Variants in CRACR2A observed in about 807,000 individuals in gnomAD.
CRACR2A encodes EF-hand calcium-binding domain-containing protein 4B.
In CRACR2A, 79 loss-of-function variants were observed where a neutral mutation model predicts 90.5. The ratio of observed to expected loss-of-function variants is 0.87; its 90% CI spans 0.73 to 1.05. The LOEUF (loss-of-function observed/expected upper bound fraction) is 1.05. Ranked by LOEUF, CRACR2A falls within the 50% of genes least tolerant of loss-of-function variation. The probability of loss-of-function intolerance (pLI) is 0.00; values close to 1 mark genes in which losing one functional copy is unlikely to be tolerated. For synonymous variants in CRACR2A, 338 were observed against 356.7 expected, an observed-to-expected ratio of 0.95 and a Z score of 0.59; for missense variants, 823 against 897.2, an observed-to-expected ratio of 0.92 and a Z score of 1.06.
In CRACR2A at chr12:3,650,540, C is replaced by T. The variant is rs572123824; in HGVS notation, c.1047-1927G>A. Among the ~76,000 whole-genome samples the T allele has an allele frequency of 3.9e-5, 6 of 152,298 alleles. No homozygotes were observed. In the South Asian group the frequency reaches 1.0e-3, roughly 26 times the overall value. On this transcript the variant is annotated intron_variant, in intron 10 of 19. Coordinates refer to ENST00000440314, the MANE Select transcript of CRACR2A (RefSeq NM_001144958.2). ...TGGGTCTCTAAACCCCTGTCTGGGA[C>T]TCTGCTGTGATGAGTGCTCCGTGAG...
At position 3,624,656 on chromosome 12, in the gene CRACR2A, G is replaced by A. The variant is rs142607946; in HGVS notation, c.1932+2780C>T. ...GCTCCTAGTGTGTGCTGGACATGCC[G>A]CAGATGTGTAGTAAAACCTTGGTGA... is the stretch of plus-strand genomic sequence containing the variant. On this transcript the variant is annotated intron_variant, in intron 17 of 19. Transcript: ENST00000440314. Among the ~76,000 whole-genome samples, 783 of 152,272 alleles carry A rather than the reference G, an allele frequency of 5.1e-3. 3 individuals carry two copies. Among genetic ancestry groups the A allele is most frequent in the Admixed American group, 0.01 (155 of 15,308 alleles).
At chr12:3,747,454 T>C (rs1946643873) in intron 1 of CRACR2A, among the ~76,000 whole-genome samples, 1 of 152,160 alleles carries the variant, frequency 6.6e-6, no homozygotes, top group Non-Finnish European at 1.5e-5. Flanking sequence ...TCAGCACCAA[T>C]CCAACCCTCT....
At chr12:3,743,049 T>G (rs991467018) in intron 1 of CRACR2A, among the ~76,000 whole-genome samples, 1 of 152,372 alleles carries the variant, frequency 6.6e-6, no homozygotes, top group East Asian at 1.9e-4. Flanking sequence ...ATCACTACAA[T>G]GTAACCCCTA....
At chr12:3,739,567 G>A (rs949376782) in intron 1 of CRACR2A, among the ~76,000 whole-genome samples, 3 of 152,134 alleles carry the variant, frequency 2.0e-5, no homozygotes, top group East Asian at 3.9e-4. Flanking sequence ...ATATGAACTC[G>A]TGTTCAGCAG....
intron 8 of CRACR2A, among the ~76,000 whole-genome samples, chr12:3,657,623 C>T (rs1205237488): frequency 6.6e-6 from 1 of 152,204 alleles, no homozygotes; most frequent in Non-Finnish European, 1.5e-5. Flanking sequence ...ACATGAATGG[C>T]AGAGGTACGA....
chr12:3,640,615 C>T lies in CRACR2A; in HGVS notation c.1271+1117G>A, dbSNP rs572942455. 5 of 1,303,380 alleles carry T rather than the reference C, an allele frequency of 3.8e-6. No individual in the cohort carries two copies. In the East Asian group the frequency reaches 2.2e-4, roughly 58 times the overall value. 80.7% of individuals were successfully genotyped at this position (1,303,380 alleles called of 1,614,324 possible). ...TATCTCATTATTCAGCTATTTAGAACAAGAATTCATGATGATCAGGCCCAA... is the reference window on the plus strand; with the variant it reads ...TATCTCATTATTCAGCTATTTAGAATAAGAATTCATGATGATCAGGCCCAA... On this transcript the variant is annotated intron_variant, in intron 13 of 19. Transcript: ENST00000440314.
At chr12:3,623,848 C>T (rs550436433) in intron 17 of CRACR2A, among the ~76,000 whole-genome samples, 2 of 152,316 alleles carry the variant, frequency 1.3e-5, no homozygotes, top group East Asian at 3.9e-4. Context: ...AGTGCTGGTG[C>T]TCTCTTGCAC....
intron 3 of CRACR2A, among the ~76,000 whole-genome samples, chr12:3,705,354 A>G (rs188671831): frequency 1.3e-5 from 2 of 152,332 alleles, no homozygotes; most frequent in Admixed American, 1.3e-4. Flanking sequence ...AACTGCTACA[A>G]TCAGAAAGTT....
chr12:3,721,133 T>G (rs1015057063), intron 2 of CRACR2A, among the ~76,000 whole-genome samples: 1 of 152,176 alleles, frequency 6.6e-6, no homozygotes, highest in South Asian at 2.1e-4. Flanking sequence ...TTCTCAACAA[T>G]GATTACATGC....
chr12:3,745,094 A>T (rs1421287741), intron 1 of CRACR2A, among the ~76,000 whole-genome samples: 1 of 152,146 alleles, frequency 6.6e-6, no homozygotes, highest in African/African-American at 2.4e-5. Flanking sequence ...TTCTGTAGGG[A>T]AGGCTGTGTC....
At chr12:3,656,680 G>A (rs762801328) in intron 8 of CRACR2A, among the ~76,000 whole-genome samples, 16 of 152,000 alleles carry the variant, frequency 1.1e-4, no homozygotes, top group Non-Finnish European at 1.8e-4. Flanking sequence ...CCTCCTCTCC[G>A]CCAAAAAAGG....
At chr12:3,669,206 G>A (rs1945198152) in intron 7 of CRACR2A, among the ~76,000 whole-genome samples, 1 of 152,214 alleles carries the variant, frequency 6.6e-6, no homozygotes, top group Non-Finnish European at 1.5e-5. Flanking sequence ...TGCCCCTGGG[G>A]TGGGACCTCT....
At position 3,643,697 on chromosome 12, in the gene CRACR2A, G is replaced by GTA. The variant is rs562173129; in HGVS notation, c.1164+896_1164+897dup. Among the ~76,000 whole-genome samples, 319 of 140,312 alleles carry GTA rather than the reference G, an allele frequency of 2.3e-3. 4 individuals carry two copies. Among genetic ancestry groups the GTA allele is most frequent in the South Asian group, 0.021 (98 of 4,560 alleles). The allele number at this position is 140,312 out of a possible 152,430, so 92.1% of individuals were successfully genotyped here. The stretch of plus-strand genomic sequence containing the variant: ...ATGTCGTTTAGGAAAGTGTGTGTGT[G>GTA]TATATATATATATGTACATACATAT... On this transcript the variant is annotated intron_variant, in intron 12 of 19. Coordinates refer to ENST00000440314, the MANE Select transcript of CRACR2A (RefSeq NM_001144958.2).
rs1012281356 is a variant in CRACR2A at position 3,721,100 on chromosome 12, C to T, written c.-117-7783G>A. ...ATGCCTGAGTTTTAAATAAGCAGCA[C>T]GCACCAGCACAGCAAAGCTGCTTTC... is the stretch of plus-strand genomic sequence containing the variant. On this transcript the variant is annotated intron_variant, in intron 2 of 19. Coordinates refer to ENST00000440314, the MANE Select transcript of CRACR2A (RefSeq NM_001144958.2). Among the ~76,000 whole-genome samples the T allele has an allele frequency of 5.9e-5, 9 of 152,190 alleles. No homozygotes were observed. In the South Asian group the frequency reaches 6.2e-4, roughly 10 times the overall value.
intron 2 of CRACR2A, among the ~76,000 whole-genome samples, chr12:3,719,673 C>T (rs1175747540): frequency 6.6e-6 from 1 of 152,158 alleles, no homozygotes; most frequent in Non-Finnish European, 1.5e-5. Context: ...CTCTGCTATA[C>T]CATATTCTTT....
At position 3,696,946 on chromosome 12, in the gene CRACR2A, C is replaced by T. The variant is rs1416722837; in HGVS notation, c.54G>A (p.Gly18=). 1.2e-6 allele frequency: 2 copies of T among 1,614,178 alleles called. No individual in the cohort carries two copies. The highest frequency in any genetic ancestry group is 1.1e-5 in the South Asian group (1 of 91,078). ...VVSRPQRLGQ[G]SGQGPKGSGA... ...CACTCCCCTTTGGCCCCTGGCCAGACCCCTGACCAAGTCTCTGGGGTCTGG... is the reference window on the plus strand; with the variant it reads ...CACTCCCCTTTGGCCCCTGGCCAGATCCCTGACCAAGTCTCTGGGGTCTGG... The change falls in exon 4 of 20, where the codon GGG becomes GGA. Residue 18 remains glycine (G), a synonymous_variant. Coordinates refer to ENST00000440314, the MANE Select transcript of CRACR2A (RefSeq NM_001144958.2).
In CRACR2A at chr12:3,711,350, G is replaced by A. The variant is rs1214945403; in HGVS notation, c.-37+1887C>T. 6.6e-6 allele frequency among the ~76,000 whole-genome samples: 1 copy of A among 152,126 alleles called. No individual in the cohort carries two copies. The highest frequency in any genetic ancestry group is 2.4e-5 in the African/African-American group (1 of 41,422). On this transcript the variant is annotated intron_variant, in intron 3 of 19. Coordinates refer to ENST00000440314, the MANE Select transcript of CRACR2A (RefSeq NM_001144958.2). This position sits in a 1 kb window ranked among gnomAD's most constrained non-coding sequence, Gnocchi z 4.3. ...CTCTCAAATTTTACTTTAAGCAGTC[G>A]AGAGAAACTAGGCCACTCCTTTAAA... is the stretch of plus-strand genomic sequence containing the variant.
intron 17 of CRACR2A, among the ~76,000 whole-genome samples, chr12:3,621,069 C>A (rs188324943): frequency 6.6e-6 from 1 of 152,186 alleles, no homozygotes; most frequent in Non-Finnish European, 1.5e-5. Flanking sequence ...ATGGGCCAAG[C>A]GGCTTGCTGT....
At chr12:3,744,508 C>T (rs1024001844) in intron 1 of CRACR2A, among the ~76,000 whole-genome samples, 2 of 152,168 alleles carry the variant, frequency 1.3e-5, no homozygotes, top group Admixed American at 6.5e-5. Context: ...TGAAATTACA[C>T]TGCCTCGGGT....
Sources: gnomAD v4.1 joint callset for allele counts (sites outside exome capture counted in the v4.1 genomes callset) on GRCh38, gnomAD v4.1.1 for gene constraint, Gnocchi (gnomAD v3.1) non-coding constraint, MANE v1.5 for transcripts, NCBI Gene and HGNC (gene_info 2026-07-23, HGNC 2026-07-21) for gene names.